EBF3: variants seen among roughly 807,000 people sequenced by gnomAD.
EBF3 encodes the protein EBF transcription factor 3.
A neutral mutation model predicts 77.1 loss-of-function variants in EBF3; 18 were observed. The ratio of observed to expected loss-of-function variants is 0.23; its 90% CI spans 0.16 to 0.35. The LOEUF (loss-of-function observed/expected upper bound fraction) is 0.35, where lower values mean the gene tolerates loss of function less well. Ranked by LOEUF, EBF3 falls within the 10% of genes least tolerant of loss-of-function variation. The probability of loss-of-function intolerance (pLI) is 1.00; values close to 1 mark genes in which losing one functional copy is unlikely to be tolerated. For synonymous variants in EBF3, 350 were observed against 343.5 expected (o/e 1.02, Z -0.21); for missense variants, 558 against 860.0 (o/e 0.65, Z 4.39).
In EBF3 at chr10:129,848,433, C is replaced by T; in HGVS notation, c.1087G>A (p.Val363Met). 1 of 1,614,228 alleles carries T rather than the reference C, an allele frequency of 6.2e-7. No homozygotes were observed. The highest frequency in any genetic ancestry group is 1.1e-5 in the South Asian group (1 of 91,088). Residue 363 changes from valine (V) to methionine (M), a missense_variant, in exon 11 of 17, where the codon GTG (valine) becomes ATG (methionine). By Grantham distance (21) the Val-to-Met change is conservative. This residue lies in a region of EBF3 where 284 missense variants were observed against 368.3 expected (regional missense o/e 0.77). Transcript: ENST00000440978. This position sits in a 1 kb window ranked among gnomAD's most constrained non-coding sequence, Gnocchi z 4.4. ...IDYGFQRLQK[V>M]IPRHPGDPER... ...GGATCACCCGGATGTCTTGGGATCA[C>T]TTTCTGCAACCTCTGAAAGCCGTAA...
intron 6 of EBF3, among the ~76,000 whole-genome samples, chr10:129,932,184 A>G (rs1378010883): frequency 1.1e-4 from 16 of 152,258 alleles, no homozygotes; most frequent in Admixed American, 1.0e-3. Flanking sequence ...TGACTTTCTA[A>G]GCAACCTCTT....
intron 4 of EBF3, among the ~76,000 whole-genome samples, chr10:129,959,906 T>C (rs1404393893): frequency 6.6e-6 from 1 of 152,132 alleles, no homozygotes; most frequent in African/African-American, 2.4e-5. Context: ...TTGAAACTGC[T>C]AACAGTGATT....
chr10:129,963,064 G>T lies in EBF3; in HGVS notation c.292-59C>A, dbSNP rs1859650609. Reference sequence around the variant, plus strand: ...GATCGGTGTCAGGCGCGGCCACCACGCTCGGTCCCCCTCCGCGACCGAGGC... The same window carrying T: ...GATCGGTGTCAGGCGCGGCCACCACTCTCGGTCCCCCTCCGCGACCGAGGC... On this transcript the variant is annotated intron_variant, in intron 2 of 16. Transcript: ENST00000440978. This position sits in a 1 kb window ranked among gnomAD's most constrained non-coding sequence, Gnocchi z 7.1. 6 of 1,599,168 alleles carry T rather than the reference G, an allele frequency of 3.8e-6. No individual in the cohort carries two copies. The highest frequency in any genetic ancestry group is 5.1e-6 in the Non-Finnish European group (6 of 1,166,678).
chr10:129,914,900 G>A (rs1288400858), intron 6 of EBF3, among the ~76,000 whole-genome samples: 2 of 152,218 alleles, frequency 1.3e-5, no homozygotes, highest in African/African-American at 2.4e-5. Flanking sequence ...TCAAGTCTGG[G>A]AAAGCCAGTG....
chr10:129,840,790 C>A, intron 14 of EBF3, 54 bp downstream of exon 14: 7 of 1,572,898 alleles, frequency 4.5e-6, no homozygotes, highest in Non-Finnish European at 6.1e-6. Context: ...ACACACTCGA[C>A]TCGGTAGTGA....
rs1411544970 is a variant in EBF3 at position 129,935,367 on chromosome 10, T to C, written c.554+21891A>G. Among the ~76,000 whole-genome samples the C allele has an allele frequency of 2.6e-5, 4 of 151,902 alleles. No homozygotes were observed. Among genetic ancestry groups the C allele is most frequent in the African/African-American group, 9.7e-5 (4 of 41,328 alleles). The stretch of plus-strand genomic sequence containing the variant: ...CTTCCCAGCTCTCCGGTGGGGAAGG[T>C]GGGATCCTGTCCTGCCTGGCTCCAG... On this transcript the variant is annotated intron_variant, in intron 6 of 16. Transcript: ENST00000440978. The surrounding 1 kb of genome is among the most constrained non-coding windows in gnomAD (Gnocchi z 4.2).
At chr10:129,881,404 G>C (rs1166136232) in intron 6 of EBF3, among the ~76,000 whole-genome samples, 3 of 152,102 alleles carry the variant, frequency 2.0e-5, no homozygotes, top group Admixed American at 2.0e-4. Flanking sequence ...AGTAAATCAA[G>C]CTTGAAATAT....
Position 129,958,907 on chromosome 10 carries a change from C to CCCCGCCG in EBF3, c.485+20_485+26dup, listed in dbSNP as rs747788306. On this transcript the variant is annotated intron_variant, in intron 5 of 16. Coordinates refer to ENST00000440978, the MANE Select transcript of EBF3 (RefSeq NM_001375380.1). ...CAGCTGGCGCCGAGGCAGCCCGCGCCCCCGCCGCCCGCCGCCCGCCGCTCA... is the reference window on the plus strand; with the variant it reads ...CAGCTGGCGCCGAGGCAGCCCGCGCCCCCGCCGCCCGCCGCCCGCCGCCCGCCGCTCA... 276 of 1,582,488 alleles carry CCCCGCCG rather than the reference C, an allele frequency of 1.7e-4. 3 individuals carry two copies. Among genetic ancestry groups the CCCCGCCG allele is most frequent in the South Asian group, 1.5e-3 (134 of 88,182 alleles).
intron 10 of EBF3, among the ~76,000 whole-genome samples, chr10:129,853,922 T>C (rs1851067203): frequency 6.6e-6 from 1 of 152,252 alleles, no homozygotes; most frequent in South Asian, 2.1e-4. Flanking sequence ...TGATAAAGAC[T>C]GCTGTGAGCA....
intron 6 of EBF3, among the ~76,000 whole-genome samples, chr10:129,891,526 C>T (rs868293677): frequency 1.3e-5 from 2 of 152,120 alleles, no homozygotes; most frequent in African/African-American, 4.8e-5. Flanking sequence ...GTCCTAAGGC[C>T]GTTCTTCACG....
At chr10:129,899,569 C>T (rs147880828) in intron 6 of EBF3, among the ~76,000 whole-genome samples, 29 of 152,272 alleles carry the variant, frequency 1.9e-4, no homozygotes, top group African/African-American at 6.7e-4. Flanking sequence ...GGAGGAGAAA[C>T]GGACATGTCC....
chr10:129,958,633 C>T (rs1859220492), intron 5 of EBF3, among the ~76,000 whole-genome samples: 2 of 152,210 alleles, frequency 1.3e-5, no homozygotes, highest in Non-Finnish European at 1.5e-5. Flanking sequence ...TGATCCCTGA[C>T]TCCTCCGGCA....
chr10:129,877,340 G>A (rs1254490316), intron 7 of EBF3, among the ~76,000 whole-genome samples: 1 of 151,966 alleles, frequency 6.6e-6, no homozygotes, highest in African/African-American at 2.4e-5. Flanking sequence ...AAAATACTGG[G>A]TGTGGTGGTG....
chr10:129,928,145 C>T (rs1589881333), intron 6 of EBF3, among the ~76,000 whole-genome samples: 1 of 152,198 alleles, frequency 6.6e-6, no homozygotes, highest in Non-Finnish European at 1.5e-5. Context: ...CATGCGAAAA[C>T]GACTCAGGCA....
At position 129,840,222 on chromosome 10, in the gene EBF3, C is replaced by A. The variant is rs368291802; in HGVS notation, c.1759+23G>T. 6.5e-6 allele frequency: 10 copies of A among 1,538,766 alleles called. 1 individual carries two copies. Among genetic ancestry groups the A allele is most frequent in the South Asian group, 3.6e-5 (3 of 82,972 alleles). On this transcript the variant is annotated intron_variant, in intron 15 of 16. Coordinates refer to ENST00000440978, the MANE Select transcript of EBF3 (RefSeq NM_001375380.1). ...CCCCTGGAGAGGACCCAGCACTGGC[C>A]CACGGCCCCGCACCACCCTCACCTT... is the stretch of plus-strand genomic sequence containing the variant.
chr10:129,916,123 C>T (rs1196617568), intron 6 of EBF3, among the ~76,000 whole-genome samples: 3 of 152,204 alleles, frequency 2.0e-5, no homozygotes, highest in Non-Finnish European at 4.4e-5. Context: ...TGGGCAGGGC[C>T]GGCCCTCACT....
intron 6 of EBF3, among the ~76,000 whole-genome samples, chr10:129,911,018 C>G (rs1157768994): frequency 2.0e-5 from 3 of 152,222 alleles, no homozygotes; most frequent in Non-Finnish European, 2.9e-5. Flanking sequence ...ACCAGCACAT[C>G]ATGATGGGTA....
chr10:129,862,905 G>A (rs982709016), intron 10 of EBF3, among the ~76,000 whole-genome samples: 12 of 152,152 alleles, frequency 7.9e-5, no homozygotes, highest in African/African-American at 2.9e-4. Flanking sequence ...TGTATACTGC[G>A]AGTTTCTCAG....
intron 7 of EBF3, 101 bp from the exon 8 acceptor site, chr10:129,873,697 A>T: frequency 8.0e-7 from 1 of 1,248,668 alleles, no homozygotes; most frequent in Admixed American, 3.1e-5. Flanking sequence ...GAGCACAAGG[A>T]AATTTCACGT....
Sources: gnomAD v4.1 joint callset for allele counts (sites outside exome capture counted in the v4.1 genomes callset) on GRCh38, gnomAD v4.1.1 for gene constraint, gnomAD v4.1.1 regional missense constraint, Gnocchi (gnomAD v3.1) non-coding constraint, MANE v1.5 for transcripts, NCBI Gene and HGNC (gene_info 2026-07-23, HGNC 2026-07-21) for gene names.